WDR93: variants seen among roughly 807,000 people sequenced by gnomAD.
WDR93 encodes WD repeat-containing protein 93.
In WDR93, 73 loss-of-function variants were observed where a neutral mutation model predicts 82.9. That is an observed-to-expected ratio of 0.88 (90% CI 0.73 to 1.07). The LOEUF (loss-of-function observed/expected upper bound fraction) is 1.07. Ranked by LOEUF, WDR93 falls within the 50% of genes least tolerant of loss-of-function variation. WDR93 has a pLI of 0.00. For synonymous variants in WDR93, 283 were observed against 300.1 expected (o/e 0.94, Z 0.59); for missense variants, 738 against 826.0 (o/e 0.89, Z 1.31).
At chr15:89,730,001 A>G (rs1966845672) in intron 11 of WDR93, among the ~76,000 whole-genome samples, 1 of 152,222 alleles carries the variant, frequency 6.6e-6, no homozygotes, top group Non-Finnish European at 1.5e-5. Flanking sequence ...AGTCAGGTCC[A>G]CAGGGCTCCT....
At chr15:89,707,377 C>G (rs902519659) in intron 4 of WDR93, among the ~76,000 whole-genome samples, 1 of 152,056 alleles carries the variant, frequency 6.6e-6, no homozygotes, top group African/African-American at 2.4e-5. Context: ...ATGGTGAAAC[C>G]CCATCTCTAC....
chr15:89,722,583 A>C (rs1057403306), intron 8 of WDR93, among the ~76,000 whole-genome samples: 1 of 152,182 alleles, frequency 6.6e-6, no homozygotes, highest in African/African-American at 2.4e-5. Context: ...ACTAAGGGAG[A>C]ATGACAAGAA....
Position 89,719,943 on chromosome 15 carries a change from G to A in WDR93, c.796-2112G>A, listed in dbSNP as rs560329404. On this transcript the variant is annotated intron_variant, in intron 7 of 16. Transcript: ENST00000268130. Reference sequence around the variant, plus strand: ...GCCTCCCGAGTAGCTGGGATTACAGGTGCCTGCCACCACGCCTGGCTAATT... The same window carrying A: ...GCCTCCCGAGTAGCTGGGATTACAGATGCCTGCCACCACGCCTGGCTAATT... Among the ~76,000 whole-genome samples the A allele has an allele frequency of 4.6e-5, 7 of 152,012 alleles. No homozygotes were observed. In the South Asian group the frequency reaches 1.5e-3, roughly 32 times the overall value.
chr15:89,717,152 C>A lies in WDR93; in HGVS notation c.795+203C>A, dbSNP rs553137393. Among the ~76,000 whole-genome samples the A allele has an allele frequency of 7.3e-5, 11 of 150,902 alleles. No individual in the cohort carries two copies. The South Asian group carries it at 2.3e-3, about 32-fold the overall frequency. On this transcript the variant is annotated intron_variant, in intron 7 of 16. Coordinates refer to ENST00000268130, the MANE Select transcript of WDR93 (RefSeq NM_020212.2). The stretch of plus-strand genomic sequence containing the variant: ...TTGGCTCATCGCAACTTCTGCCCCC[C>A]AGGTTCAAGTGATTCTCCTGCCTCA...
At chr15:89,700,254 T>G (rs1307325794) in intron 1 of WDR93, among the ~76,000 whole-genome samples, 2 of 152,174 alleles carry the variant, frequency 1.3e-5, no homozygotes. Flanking sequence ...GGCATTATTC[T>G]TGGCCCTCTG....
intron 14 of WDR93, 112 bp from the exon 15 acceptor site, chr15:89,737,461 G>A (rs917965212): frequency 5.0e-6 from 7 of 1,400,900 alleles, no homozygotes; most frequent in Admixed American, 1.9e-5. Flanking sequence ...GGGCCCAAGA[G>A]GTTTTATGTC....
intron 8 of WDR93, among the ~76,000 whole-genome samples, chr15:89,726,328 G>A (rs78468277): frequency 0.015 from 2,259 of 152,340 alleles, 61 homozygotes; most frequent in African/African-American, 0.052. Context: ...GGTGGGCCCT[G>A]AGAATCTGTA....
At chr15:89,733,298 C>A in intron 13 of WDR93, 79 bp downstream of exon 13, 2 of 1,349,796 alleles carry the variant, frequency 1.5e-6, no homozygotes, top group Non-Finnish European at 2.1e-6. Context: ...AATCTGACAG[C>A]CTCTCTGACT....
chr15:89,731,091 A>C (rs1367817288), intron 11 of WDR93, among the ~76,000 whole-genome samples: 1 of 152,144 alleles, frequency 6.6e-6, no homozygotes, highest in Non-Finnish European at 1.5e-5. Flanking sequence ...TGAGCAAGTC[A>C]CTTCTCTGCC....
chr15:89,719,998 C>G (rs1406999990), intron 7 of WDR93, among the ~76,000 whole-genome samples: 1 of 151,820 alleles, frequency 6.6e-6, no homozygotes, highest in Admixed American at 6.6e-5. Context: ...CGGGGTCTCA[C>G]CATCTTGGCC....
rs199512850 is a variant in WDR93, at chr15:89,702,024, T to C, written c.278T>C (p.Val93Ala). The change falls in exon 2 of 17, where the codon GTC becomes GCC. Residue 93 changes from valine (V) to alanine (A), a missense_variant. Physicochemically the swap from Val to Ala is moderately conservative, Grantham distance 64. Transcript: ENST00000268130. ...GAGAGCAGCCAGATCCAGCCCACCG[T>C]CTACCCTCCACTTGGAGAAATCCAG... ...EAESSQIQPTVYPPLGEIQLN... is the reference protein window; with the variant it reads ...EAESSQIQPTAYPPLGEIQLN... 1 of 1,610,708 alleles carries C rather than the reference T, an allele frequency of 6.2e-7. No individual in the cohort carries two copies. The highest frequency in any genetic ancestry group is 2.2e-5 in the East Asian group (1 of 44,824).
intron 4 of WDR93, among the ~76,000 whole-genome samples, chr15:89,711,213 T>C (rs1215834021): frequency 4.6e-5 from 7 of 152,162 alleles, no homozygotes; most frequent in Admixed American, 4.6e-4. Context: ...TAGATCTGAT[T>C]ATCAGTTTAC....
chr15:89,737,827 G>C, intron 15 of WDR93, 98 bp downstream of exon 15: 1 of 1,532,832 alleles, frequency 6.5e-7, no homozygotes, highest in Non-Finnish European at 8.9e-7. Context: ...CCCACTCTGT[G>C]TCCCCCTCTA....
At chr15:89,702,484 A>C (rs1965515454) in intron 2 of WDR93, among the ~76,000 whole-genome samples, 1 of 151,530 alleles carries the variant, frequency 6.6e-6, no homozygotes, top group Non-Finnish European at 1.5e-5. Context: ...AATACTATGA[A>C]TTTCTTGATG....
intron 5 of WDR93, 88 bp from the exon 6 acceptor site, chr15:89,714,892 C>G (rs1035640694): frequency 9.1e-7 from 1 of 1,103,054 alleles, no homozygotes; most frequent in Non-Finnish European, 1.3e-6. Context: ...TCTTTGCCAG[C>G]AGTTCTAAGA....
chr15:89,735,647 G>T (rs911257370), intron 14 of WDR93, 94 bp downstream of exon 14: 6 of 1,328,224 alleles, frequency 4.5e-6, no homozygotes, highest in South Asian at 1.2e-5. Flanking sequence ...CTTATTGAAG[G>T]CCTGTTATGT....
chr15:89,742,823 G>A (rs534558277), intron 16 of WDR93, among the ~76,000 whole-genome samples: 23 of 152,234 alleles, frequency 1.5e-4, no homozygotes, highest in Non-Finnish European at 2.2e-4. Context: ...GTGAGCCACC[G>A]CGCCTGGCCA....
intron 8 of WDR93, among the ~76,000 whole-genome samples, chr15:89,725,415 G>C (rs1966693531): frequency 6.6e-6 from 1 of 152,068 alleles, no homozygotes; most frequent in Non-Finnish European, 1.5e-5. Flanking sequence ...ATGTTTAGGT[G>C]ATAAAAGCAT....
intron 14 of WDR93, among the ~76,000 whole-genome samples, chr15:89,736,050 T>C (rs1018457145): frequency 2.6e-5 from 4 of 152,102 alleles, no homozygotes; most frequent in Admixed American, 2.6e-4. Flanking sequence ...GGCCAGACCA[T>C]GGAAGGTCCT....
Sources: allele counts gnomAD v4.1 joint callset (sites outside exome capture counted in the v4.1 genomes callset), GRCh38; gene constraint gnomAD v4.1.1; transcripts MANE v1.5; gene names NCBI Gene and HGNC (gene_info 2026-07-23, HGNC 2026-07-21).